Variants in IL1RAPL1 observed in about 807,000 individuals in gnomAD.
IL1RAPL1 encodes the protein interleukin-1 receptor accessory protein-like 1.
A neutral mutation model predicts 48.4 loss-of-function variants in IL1RAPL1; 3 were observed. The observed-to-expected ratio is 0.06, with a 90% CI of 0.03 to 0.16. IL1RAPL1 has a LOEUF of 0.16. Among genes scored for constraint, IL1RAPL1 ranks in the 10% least tolerant of loss-of-function variants. The pLI, the probability that IL1RAPL1 is intolerant of heterozygous loss-of-function variation, is 1.00. For synonymous variants in IL1RAPL1, 185 were observed against 187.7 expected (o/e 0.99, Z 0.12); for missense variants, 349 against 530.6 (o/e 0.66, Z 3.36).
chrX:29,886,203 T>G (rs1220763355), intron 6 of IL1RAPL1, among the ~76,000 whole-genome samples: 1 of 112,464 alleles, frequency 8.9e-6, no homozygotes, highest in Admixed American at 9.4e-5. Flanking sequence ...CAAAACCATT[T>G]GATTCATTGG....
chrX:29,588,339 A>G (rs1923253636), intron 5 of IL1RAPL1, among the ~76,000 whole-genome samples: 1 of 112,305 alleles, frequency 8.9e-6, no homozygotes, highest in African/African-American at 3.2e-5. Context: ...AGTCACAATT[A>G]TAATGAACCA....
intron 5 of IL1RAPL1, among the ~76,000 whole-genome samples, chrX:29,405,981 T>A (rs1030514453): frequency 2.1e-4 from 24 of 112,026 alleles, no homozygotes; most frequent in African/African-American, 7.5e-4. Flanking sequence ...GTTGATAAAG[T>A]TCTACTGATC....
intron 2 of IL1RAPL1, among the ~76,000 whole-genome samples, chrX:29,182,701 T>C (rs2147521663): frequency 9.0e-6 from 1 of 111,461 alleles, no homozygotes; most frequent in East Asian, 2.8e-4. Flanking sequence ...ATGTGCCCTG[T>C]GGTAGGCACA....
intron 3 of IL1RAPL1, among the ~76,000 whole-genome samples, chrX:29,361,603 G>C (rs933930395): frequency 1.8e-5 from 2 of 109,646 alleles, no homozygotes; most frequent in Admixed American, 2.0e-4. Flanking sequence ...TTTCATTTCT[G>C]CTAATATTGT....
At chrX:28,620,807 T>C (rs1271711933) in intron 1 of IL1RAPL1, among the ~76,000 whole-genome samples, 1 of 112,225 alleles carries the variant, frequency 8.9e-6, no homozygotes, top group Admixed American at 9.5e-5. Flanking sequence ...ATGATATAGT[T>C]GAAAAGGCAT....
intron 2 of IL1RAPL1, among the ~76,000 whole-genome samples, chrX:28,843,338 T>A (rs1164321339): frequency 9.0e-6 from 1 of 110,611 alleles, no homozygotes; most frequent in East Asian, 2.9e-4. Flanking sequence ...TTCTATACCA[T>A]AAAGAAAAAA....
intron 3 of IL1RAPL1, among the ~76,000 whole-genome samples, chrX:29,319,560 A>G (rs1602168605): frequency 9.6e-6 from 1 of 104,224 alleles, no homozygotes; most frequent in South Asian, 4.4e-4. Context: ...GTATGTATGT[A>G]TCTATCTATC....
chrX:28,634,780 C>A (rs1934445590), intron 1 of IL1RAPL1, among the ~76,000 whole-genome samples: 1 of 110,305 alleles, frequency 9.1e-6, no homozygotes, highest in African/African-American at 3.3e-5. Context: ...TCTTATCAAT[C>A]ACTTTGGACT....
chrX:29,292,099 G>T (rs1932379561), intron 3 of IL1RAPL1, among the ~76,000 whole-genome samples: 1 of 111,781 alleles, frequency 8.9e-6, no homozygotes, highest in South Asian at 3.7e-4. Flanking sequence ...TGAGGTGTTT[G>T]TCAATGAGAA....
At chrX:29,282,799 T>C in intron 2 of IL1RAPL1, 139 bp from the exon 3 acceptor site, 1 of 585,418 alleles carries the variant, frequency 1.7e-6, no homozygotes, top group Non-Finnish European at 2.8e-6. Context: ...TTCATTGCTA[T>C]GTGCTCTGTG....
chrX:29,169,203 G>A (rs1929863650), intron 2 of IL1RAPL1, among the ~76,000 whole-genome samples: 2 of 108,776 alleles, frequency 1.8e-5, no homozygotes, highest in African/African-American at 6.6e-5. Context: ...TGGATCATAT[G>A]GAAGTTCTAT....
At chrX:29,148,052 G>A (rs772610284) in intron 2 of IL1RAPL1, among the ~76,000 whole-genome samples, 1 of 111,718 alleles carries the variant, frequency 9.0e-6, no homozygotes, top group Non-Finnish European at 1.9e-5. Context: ...CAGTGTGTGT[G>A]TATACACAAA....
chrX:28,597,069 G>C (rs948152262), intron 1 of IL1RAPL1, among the ~76,000 whole-genome samples: 8 of 111,046 alleles, frequency 7.2e-5, no homozygotes, highest in African/African-American at 2.6e-4. Flanking sequence ...ACTGTAAGGA[G>C]GACCAAATGG....
chrX:28,661,223 T>C (rs1262981538), intron 1 of IL1RAPL1, among the ~76,000 whole-genome samples: 2 of 112,030 alleles, frequency 1.8e-5, no homozygotes, highest in Non-Finnish European at 3.8e-5. Context: ...TTACATCTAG[T>C]CCCATACATA....
chrX:29,246,933 T>C (rs1931524735), intron 2 of IL1RAPL1, among the ~76,000 whole-genome samples: 1 of 111,664 alleles, frequency 9.0e-6, no homozygotes, highest in Admixed American at 9.6e-5. Flanking sequence ...AGACATATAC[T>C]TGAATTAATC....
chrX:28,774,939 T>A (rs1936347482), intron 1 of IL1RAPL1, among the ~76,000 whole-genome samples: 1 of 111,778 alleles, frequency 8.9e-6, no homozygotes, highest in Non-Finnish European at 1.9e-5. Context: ...ATACCCGATG[T>A]ATTAGTAACT....
intron 1 of IL1RAPL1, among the ~76,000 whole-genome samples, chrX:28,601,150 G>A (rs1934020464): frequency 9.0e-6 from 1 of 111,679 alleles, no homozygotes; most frequent in Admixed American, 9.5e-5. Context: ...GCCAGGCACG[G>A]TGGCTCATGC....
chrX:29,868,716 G>T (rs992578482), intron 6 of IL1RAPL1, among the ~76,000 whole-genome samples: 2 of 112,487 alleles, frequency 1.8e-5, no homozygotes, highest in African/African-American at 6.5e-5. Context: ...TATAGATACA[G>T]CAGCAAATGC....
chrX:29,365,777 G>A (rs1216198527), intron 3 of IL1RAPL1, among the ~76,000 whole-genome samples: 1 of 109,769 alleles, frequency 9.1e-6, no homozygotes, highest in East Asian at 2.9e-4. Flanking sequence ...AGTTTCTCAC[G>A]CCTGTAATCC....
Sources: allele counts gnomAD v4.1 joint callset (sites outside exome capture counted in the v4.1 genomes callset), GRCh38; gene constraint gnomAD v4.1.1; transcripts MANE v1.5; gene names NCBI Gene and HGNC (gene_info 2026-07-23, HGNC 2026-07-21).